Variants in GMPR observed in about 807,000 individuals in gnomAD.
GMPR encodes the protein GMP reductase 1.
Under a neutral mutation model 38.4 loss-of-function variants are expected in GMPR, and 31 were observed. The ratio of observed to expected loss-of-function variants is 0.81; its 90% CI spans 0.61 to 1.09. GMPR has a LOEUF of 1.09. GMPR is among the 50% of genes least tolerant of loss of function. The pLI is 0.00. For missense variants in GMPR, 468 were observed against 453.7 expected (o/e 1.03, Z -0.29); for synonymous variants, 162 against 173.3 (o/e 0.93, Z 0.51).
At chr6:16,281,988 C>T (rs1759582370) in intron 6 of GMPR, among the ~76,000 whole-genome samples, 1 of 152,364 alleles carries the variant, frequency 6.6e-6, no homozygotes, top group African/African-American at 2.4e-5. Flanking sequence ...CTCCCTTTGT[C>T]TAACAGGGCA....
chr6:16,257,537 T>C (rs1345134831), intron 4 of GMPR, among the ~76,000 whole-genome samples: 1 of 152,240 alleles, frequency 6.6e-6, no homozygotes, highest in Non-Finnish European at 1.5e-5. Context: ...TCCTTCTCTT[T>C]ACTTTCCAGC....
chr6:16,284,303 G>A (rs1759634151), intron 6 of GMPR, among the ~76,000 whole-genome samples: 1 of 152,222 alleles, frequency 6.6e-6, no homozygotes, highest in South Asian at 2.1e-4. Context: ...AGGGAACTGA[G>A]TCACAGAGAC....
In GMPR at chr6:16,288,121, C is replaced by G. The variant is rs994516050; in HGVS notation, c.697+2286C>G. Among the ~76,000 whole-genome samples, 3 of 152,228 alleles carry G rather than the reference C, an allele frequency of 2.0e-5. No homozygotes were observed. In the East Asian group the frequency reaches 5.8e-4, roughly 29 times the overall value. ...GCCCTCACAGCCCTCGCTTGCTGTC[C>G]ACGCCTCCTCTGCCTGGGCTCCCAC... On this transcript the variant is annotated intron_variant, in intron 7 of 8. Coordinates refer to ENST00000259727, the MANE Select transcript of GMPR (RefSeq NM_006877.4).
At chr6:16,285,741 C>T in intron 6 of GMPR, 52 bp from the exon 7 acceptor site, 1 of 1,514,080 alleles carries the variant, frequency 6.6e-7, no homozygotes, top group Non-Finnish European at 9.2e-7. Flanking sequence ...AGGGGACAGC[C>T]TGGCTGAGCT....
At chr6:16,290,645 A>C in intron 8 of GMPR, 24 bp downstream of exon 8, 1 of 1,604,182 alleles carries the variant, frequency 6.2e-7, no homozygotes, top group Non-Finnish European at 8.5e-7. Flanking sequence ...CCCGGGGCGC[A>C]CCCTCGAGGC....
In GMPR at chr6:16,250,877, T is replaced by A. The variant is rs536320477; in HGVS notation, c.291+510T>A. 1.9e-3 allele frequency among the ~76,000 whole-genome samples: 257 copies of A among 135,890 alleles called. 2 individuals are homozygous for A. Among genetic ancestry groups the A allele is most frequent in the African/African-American group, 1.8e-3 (67 of 36,308 alleles). 89.1% of individuals were successfully genotyped at this position (135,890 alleles called of 152,430 possible). On this transcript the variant is annotated intron_variant, in intron 3 of 8. Transcript: ENST00000259727. Reference sequence around the variant, plus strand: ...GTCAACATAGTGAGGGGTCTCTTTTTAAAAAAAAAAAAGACAATAAATGTT... The same window carrying A: ...GTCAACATAGTGAGGGGTCTCTTTTAAAAAAAAAAAAAGACAATAAATGTT...
intron 4 of GMPR, among the ~76,000 whole-genome samples, chr6:16,266,107 GCCATCTTTAAGAGCTGTAACACTT>G (rs1561826885): frequency 1.3e-5 from 1 of 75,268 alleles, no homozygotes; most frequent in Non-Finnish European, 3.1e-5. Flanking sequence ...TGTAACACTT[GCCATCTTTAAGAGCTGTAACACTT>G]GCCATCTTTA....
intron 6 of GMPR, among the ~76,000 whole-genome samples, chr6:16,285,450 G>T (rs1759661213): frequency 6.6e-6 from 1 of 152,206 alleles, no homozygotes; most frequent in Admixed American, 6.5e-5. Flanking sequence ...TATGTAGGGG[G>T]CTGGCATGGG....
intron 6 of GMPR, 79 bp from the exon 7 acceptor site, chr6:16,285,714 C>G: frequency 8.4e-7 from 1 of 1,188,334 alleles, no homozygotes; most frequent in East Asian, 2.4e-5. Flanking sequence ...CCCCCAGTCA[C>G]TAGGTCATCT....
intron 4 of GMPR, among the ~76,000 whole-genome samples, chr6:16,265,742 G>T (rs959690960): frequency 7.2e-5 from 11 of 152,220 alleles, no homozygotes; most frequent in African/African-American, 2.2e-4. Flanking sequence ...CAATCAGCAG[G>T]ATGTGGGCGG....
chr6:16,268,584 TTC>T (rs1436384979), intron 4 of GMPR, among the ~76,000 whole-genome samples: 2 of 152,216 alleles, frequency 1.3e-5, no homozygotes, highest in African/African-American at 4.8e-5. Flanking sequence ...CTGCCGATAT[TTC>T]TCTTTTTATG....
intron 4 of GMPR, among the ~76,000 whole-genome samples, chr6:16,270,827 T>A (rs1160901138): frequency 6.6e-6 from 1 of 152,124 alleles, no homozygotes; most frequent in East Asian, 1.9e-4. Context: ...AGGTAGCTGA[T>A]GGGATGGAGA....
chr6:16,269,350 T>A (rs956337979), intron 4 of GMPR, among the ~76,000 whole-genome samples: 1 of 152,224 alleles, frequency 6.6e-6, no homozygotes, highest in Non-Finnish European at 1.5e-5. Context: ...CTTTCCGAAC[T>A]TATTTTGCCA....
intron 7 of GMPR, among the ~76,000 whole-genome samples, chr6:16,289,359 G>A (rs534262915): frequency 1.3e-5 from 2 of 152,336 alleles, no homozygotes; most frequent in South Asian, 2.1e-4. Context: ...GAATCCCACT[G>A]CACAGTGATC....
chr6:16,292,758 T>C (rs1759863846), intron 8 of GMPR, among the ~76,000 whole-genome samples: 1 of 152,000 alleles, frequency 6.6e-6, no homozygotes, highest in South Asian at 2.1e-4. Flanking sequence ...TTTGGGTTCT[T>C]TAAAAAATTA....
chr6:16,245,595 T>C (rs1300934384), intron 1 of GMPR, among the ~76,000 whole-genome samples: 2 of 152,244 alleles, frequency 1.3e-5, no homozygotes, highest in Non-Finnish European at 2.9e-5. Context: ...CACCCACTTC[T>C]AATGTAGTTT....
chr6:16,244,551 C>T (rs1227959997), intron 1 of GMPR, among the ~76,000 whole-genome samples: 2 of 152,022 alleles, frequency 1.3e-5, no homozygotes, highest in Non-Finnish European at 2.9e-5. Context: ...GGTGGCAGGA[C>T]TGGCTTTAAT....
At chr6:16,281,736 C>G (rs1208436056) in intron 6 of GMPR, among the ~76,000 whole-genome samples, 2 of 151,976 alleles carry the variant, frequency 1.3e-5, no homozygotes, top group African/African-American at 4.8e-5. Flanking sequence ...TCTCGAACTC[C>G]TGACCTCATG....
At chr6:16,249,683 T>C (rs1156960211) in intron 2 of GMPR, among the ~76,000 whole-genome samples, 2 of 152,196 alleles carry the variant, frequency 1.3e-5, no homozygotes, top group African/African-American at 4.8e-5. Flanking sequence ...TCAAAGTTGT[T>C]CCAAAAATTA....
Sources: allele counts gnomAD v4.1 joint callset (sites outside exome capture counted in the v4.1 genomes callset), GRCh38; gene constraint gnomAD v4.1.1; transcripts MANE v1.5; gene names NCBI Gene and HGNC (gene_info 2026-07-23, HGNC 2026-07-21).